TP63: variants seen among roughly 807,000 people sequenced by gnomAD.
The protein encoded by TP63 is tumor protein p63.
A neutral mutation model predicts 82.8 loss-of-function variants in TP63; 17 were observed. The ratio of observed to expected loss-of-function variants is 0.21; its 90% CI spans 0.14 to 0.31. The LOEUF is 0.31. Among genes scored for constraint, TP63 ranks in the 10% least tolerant of loss-of-function variants. The pLI is 1.00. For missense variants in TP63, 648 were observed against 895.3 expected, an observed-to-expected ratio of 0.72 and a Z score of 3.52; for synonymous variants, 330 against 321.7, an observed-to-expected ratio of 1.03 and a Z score of -0.28.
intron 4 of TP63, among the ~76,000 whole-genome samples, chr3:189,837,966 A>G (rs967953056): frequency 6.6e-6 from 1 of 152,174 alleles, no homozygotes; most frequent in African/African-American, 2.4e-5. Flanking sequence ...TGCTTTTACA[A>G]TTAAATTTTA....
intron 1 of TP63, among the ~76,000 whole-genome samples, chr3:189,662,960 T>C (rs1003418427): frequency 1.3e-5 from 2 of 152,126 alleles, no homozygotes; most frequent in African/African-American, 4.8e-5. Flanking sequence ...TATAAAGTGG[T>C]CTGAATAGAT....
At chr3:189,772,726 CGTT>C (rs937765910) in intron 3 of TP63, among the ~76,000 whole-genome samples, 2 of 152,062 alleles carry the variant, frequency 1.3e-5, no homozygotes, top group African/African-American at 4.8e-5. Context: ...TGTCTAACAG[CGTT>C]GGTGGTGTAA....
intron 3 of TP63, among the ~76,000 whole-genome samples, chr3:189,740,586 G>A (rs1395753438): frequency 2.0e-5 from 3 of 151,992 alleles, no homozygotes; most frequent in East Asian, 3.9e-4. Context: ...TGCAACCTCC[G>A]CCTCCTGGGT....
the TP63 span, among the ~76,000 whole-genome samples, chr3:189,602,248 G>A: frequency 4.6e-5 from 7 of 152,166 alleles, no homozygotes; most frequent in African/African-American, 1.2e-4. Context: ...GAGGGAGAGC[G>A]TGTAGAAAAT....
At chr3:189,602,783 A>G in the TP63 span, among the ~76,000 whole-genome samples, 5 of 152,246 alleles carry the variant, frequency 3.3e-5, no homozygotes, top group South Asian at 1.0e-3. Context: ...ATTAAATTAT[A>G]TCGTTCGTAG....
chr3:189,853,507 A>G (rs1715911313), intron 4 of TP63, among the ~76,000 whole-genome samples: 1 of 152,172 alleles, frequency 6.6e-6, no homozygotes, highest in African/African-American at 2.4e-5. Context: ...CTCTCCAGGT[A>G]TATATATGGC....
At chr3:189,838,048 T>G (rs1418856165) in intron 4 of TP63, among the ~76,000 whole-genome samples, 1 of 152,192 alleles carries the variant, frequency 6.6e-6, no homozygotes, top group African/African-American at 2.4e-5. Flanking sequence ...AGGAAATTTT[T>G]CATCTCTCTT....
Position 189,633,365 on chromosome 3 carries a change from T to C in TP63, c.62+1788T>C, listed in dbSNP as rs192215667. Among the ~76,000 whole-genome samples, 9 of 152,150 alleles carry C rather than the reference T, an allele frequency of 5.9e-5. No individual in the cohort carries two copies. In the East Asian group the frequency reaches 1.7e-3, roughly 29 times the overall value. ...AGTACCCATTAGTTATTTTTCCTGA[T>C]CCTATCCCTCCTCCCACCTTCCACC... On this transcript the variant is annotated intron_variant, in intron 1 of 13. Coordinates refer to ENST00000264731, the MANE Select transcript of TP63 (RefSeq NM_003722.5).
chr3:189,765,855 C>G (rs151213848), intron 3 of TP63, among the ~76,000 whole-genome samples: 1 of 152,148 alleles, frequency 6.6e-6, no homozygotes, highest in Non-Finnish European at 1.5e-5. Context: ...GAACAGATAA[C>G]TCCCCCTCTG....
In TP63 at chr3:189,889,457, C is replaced by T. The variant is rs1374623968; in HGVS notation, c.1625C>T (p.Pro542Leu). 12 of 1,614,076 alleles carry T rather than the reference C, an allele frequency of 7.4e-6. No homozygotes were observed. The highest frequency in any genetic ancestry group is 1.0e-5 in the Non-Finnish European group (12 of 1,180,020). Residue 542 changes from proline (P) to leucine (L), a missense_variant, in exon 12 of 14, where the codon CCG becomes CTG. Pro to Leu is a moderately conservative substitution (Grantham distance 98). Transcript: ENST00000264731. ...PSTSHCTPPP[P>L]YPTDCSIVSF... ...ACCTCCCACTGCACACCCCCACCTCCGTATCCCACAGATTGCAGCATTGTC... is the reference window on the plus strand; with the variant it reads ...ACCTCCCACTGCACACCCCCACCTCTGTATCCCACAGATTGCAGCATTGTC...
At chr3:189,851,253 T>C (rs925016196) in intron 4 of TP63, among the ~76,000 whole-genome samples, 3 of 152,194 alleles carry the variant, frequency 2.0e-5, no homozygotes, top group African/African-American at 7.2e-5. Context: ...CGCAAAGCAG[T>C]CTGCCTTTAA....
At chr3:189,689,104 CTTTTTTTTTTT>C (rs776704674) in intron 1 of TP63, among the ~76,000 whole-genome samples, 3 of 68,280 alleles carry the variant, frequency 4.4e-5, no homozygotes, top group African/African-American at 2.9e-4. Context: ...CTACCTTTTT[CTTTTTTTTTTT>C]TTTTTTTTTT....
At chr3:189,742,677 A>G (rs1490230524) in intron 3 of TP63, among the ~76,000 whole-genome samples, 1 of 152,220 alleles carries the variant, frequency 6.6e-6, no homozygotes, top group African/African-American at 2.4e-5. Flanking sequence ...TATTTCAAGC[A>G]CATACAGTAG....
intron 1 of TP63, among the ~76,000 whole-genome samples, chr3:189,659,473 T>A (rs1347789284): frequency 3.3e-5 from 5 of 152,084 alleles, no homozygotes; most frequent in Non-Finnish European, 7.4e-5. Context: ...GAACCCCAAA[T>A]GGGCACCTTG....
At chr3:189,889,772 A>C (rs1437919462) in intron 12 of TP63, among the ~76,000 whole-genome samples, 1 of 152,074 alleles carries the variant, frequency 6.6e-6, no homozygotes, top group Non-Finnish European at 1.5e-5. Flanking sequence ...ACATTTTTAC[A>C]TTGTCAATTG....
At position 189,746,277 on chromosome 3, in the gene TP63, G is replaced by GA. The variant is rs552762258; in HGVS notation, c.324+7513dup. On this transcript the variant is annotated intron_variant, in intron 3 of 13. Transcript: ENST00000264731. ...GAATGATATATTCTAAGTGCTGAAA[G>GA]AAAAAAAAAATGTCAGTCAAGGATA... Among the ~76,000 whole-genome samples the GA allele has an allele frequency of 3.2e-3, 479 of 147,766 alleles. 3 individuals are homozygous for GA. Among genetic ancestry groups the GA allele is most frequent in the South Asian group, 0.014 (64 of 4,688 alleles).
chr3:189,620,793 G>T, the TP63 span, among the ~76,000 whole-genome samples: 3 of 152,174 alleles, frequency 2.0e-5, no homozygotes, highest in Non-Finnish European at 2.9e-5. Context: ...AGTGCATGAG[G>T]CTGCCATCAA....
At chr3:189,706,712 A>T (rs752308620) in intron 1 of TP63, among the ~76,000 whole-genome samples, 2 of 152,176 alleles carry the variant, frequency 1.3e-5, no homozygotes, top group Admixed American at 1.3e-4. Flanking sequence ...GCTATATCCT[A>T]TGTATCAGCC....
At position 189,851,880 on chromosome 3, in the gene TP63, T is replaced by G. The variant is rs185283127; in HGVS notation, c.580-12352T>G. Among the ~76,000 whole-genome samples the G allele has an allele frequency of 1.7e-3, 255 of 152,192 alleles. 1 individual carries two copies. Among genetic ancestry groups the G allele is most frequent in the Non-Finnish European group, 2.7e-3 (181 of 68,026 alleles). ...TGGACTATCAGCTCTCCAGGAGAGA[T>G]TTGTCTTGGAGCACACAGTTAGAAC... On this transcript the variant is annotated intron_variant, in intron 4 of 13. Coordinates refer to ENST00000264731, the MANE Select transcript of TP63 (RefSeq NM_003722.5).
Sources: allele counts gnomAD v4.1 joint callset (sites outside exome capture counted in the v4.1 genomes callset), GRCh38; gene constraint gnomAD v4.1.1; transcripts MANE v1.5; gene names NCBI Gene and HGNC (gene_info 2026-07-23, HGNC 2026-07-21).